Variants in TJP1 observed in about 807,000 individuals in gnomAD.
TJP1 encodes the protein tight junction protein 1.
Under a neutral mutation model 194.2 loss-of-function variants are expected in TJP1, and 43 were observed. The observed-to-expected ratio is 0.22, with a 90% CI of 0.17 to 0.29. The LOEUF is 0.29. Ranked by LOEUF, TJP1 falls within the 10% of genes least tolerant of loss-of-function variation. TJP1 has a pLI of 1.00. For missense variants in TJP1, 1,971 were observed against 2,185.7 expected (o/e 0.90, Z 1.96); for synonymous variants, 801 against 779.0 (o/e 1.03, Z -0.47).
intron 2 of TJP1, among the ~76,000 whole-genome samples, chr15:29,894,025 G>T (rs986491651): frequency 3.9e-5 from 6 of 152,170 alleles, no homozygotes; most frequent in African/African-American, 4.8e-5. Flanking sequence ...TACACAAAAG[G>T]TTGGGAAATT....
intron 2 of TJP1, among the ~76,000 whole-genome samples, chr15:29,948,971 C>G (rs1294611636): frequency 6.6e-6 from 1 of 150,708 alleles, no homozygotes; most frequent in Admixed American, 6.6e-5. Flanking sequence ...CCCTCCACCA[C>G]CTCTACCATC....
At position 29,918,480 on chromosome 15, in the gene TJP1, A is replaced by G. The variant is rs185097212; in HGVS notation, c.306+37752T>C. ...CCAGGAGCAGTGACTCACGCCTGTA[A>G]TCCGAGTACTGTGGGGGACCAAGGC... On this transcript the variant is annotated intron_variant, in intron 2 of 28. Transcript: ENST00000356107. Among the ~76,000 whole-genome samples, 193 of 152,308 alleles carry G rather than the reference A, an allele frequency of 1.3e-3. 1 individual carries two copies. Among genetic ancestry groups the G allele is most frequent in the African/African-American group, 4.4e-3 (183 of 41,572 alleles).
intron 2 of TJP1, among the ~76,000 whole-genome samples, chr15:29,905,412 CAAACTTA>C (rs1332708284): frequency 4.6e-5 from 7 of 152,250 alleles, no homozygotes; most frequent in African/African-American, 1.4e-4. Context: ...AACTATGGCG[CAAACTTA>C]CAACAAAGTA....
intron 23 of TJP1, among the ~76,000 whole-genome samples, chr15:29,712,058 C>T (rs1478105585): frequency 6.6e-6 from 1 of 152,160 alleles, no homozygotes; most frequent in Non-Finnish European, 1.5e-5. Flanking sequence ...ATATGTAACA[C>T]AAAATTCACA....
At chr15:29,872,783 A>G (rs1263286346) in intron 2 of TJP1, among the ~76,000 whole-genome samples, 1 of 152,108 alleles carries the variant, frequency 6.6e-6, no homozygotes, top group African/African-American at 2.4e-5. Flanking sequence ...CTCTTTGGAG[A>G]AGCCACCACA....
At chr15:29,928,220 A>AC (rs2054585897) in intron 2 of TJP1, among the ~76,000 whole-genome samples, 1 of 152,204 alleles carries the variant, frequency 6.6e-6, no homozygotes, top group Admixed American at 6.5e-5. Context: ...AAGATAAAAG[A>AC]TGAGATTGTT....
At chr15:29,740,192 G>T (rs1163174890) in intron 10 of TJP1, among the ~76,000 whole-genome samples, 2 of 151,902 alleles carry the variant, frequency 1.3e-5, no homozygotes, top group African/African-American at 2.4e-5. Context: ...AGCCAGGATG[G>T]TCTTGATCTC....
intron 2 of TJP1, among the ~76,000 whole-genome samples, chr15:29,865,384 G>T (rs1298625304): frequency 6.6e-6 from 1 of 152,078 alleles, no homozygotes; most frequent in African/African-American, 2.4e-5. Context: ...ATTTTACCCT[G>T]CCAGGCCCAC....
At chr15:29,722,546 T>A (rs1280551040) in intron 18 of TJP1, among the ~76,000 whole-genome samples, 4 of 152,190 alleles carry the variant, frequency 2.6e-5, no homozygotes, top group Non-Finnish European at 5.9e-5. Context: ...CAGGCAGAAG[T>A]CTGCTGCAGG....
At chr15:29,968,636 C>G in intron 1 of TJP1, 4 of 1,017,714 alleles carry the variant, frequency 3.9e-6, no homozygotes, top group Non-Finnish European at 4.7e-6. Flanking sequence ...CCTAGCCCGG[C>G]TGGGGCTCCG....
rs11353216 is a variant in TJP1, at chr15:29,909,338, CAAA to C, written c.306+46891_306+46893del. 5.2e-4 allele frequency among the ~76,000 whole-genome samples: 49 copies of C among 93,658 alleles called. No individual in the cohort carries two copies. The East Asian group carries it at 9.8e-3, about 19-fold the overall frequency. 61.4% of individuals were successfully genotyped at this position (93,658 alleles called of 152,430 possible). On this transcript the variant is annotated intron_variant, in intron 2 of 28. Coordinates refer to the TJP1 transcript ENST00000356107. ...GGGCGACAGAGCATGACTTCATCTCCAAAAAAAAAAAAAAAAAAAGAGGCTCAC... is the reference window on the plus strand; with the variant it reads ...GGGCGACAGAGCATGACTTCATCTCCAAAAAAAAAAAAAAAAGAGGCTCAC...
Position 29,720,505 on chromosome 15 carries a change from A to C in TJP1, c.2616T>G (p.Ser872=), listed in dbSNP as rs1335903857. The C allele has an allele frequency of 5.0e-6, 8 of 1,614,016 alleles. No individual in the cohort carries two copies. The highest frequency in any genetic ancestry group is 6.8e-6 in the Non-Finnish European group (8 of 1,180,030). ...LNDEVGTPPE[S]AITRSSEPVR... is the part of the protein sequence containing the mutation. ...CAGGCTCAGAGGACCGTGTAATGGC[A>C]GACTCCGGTGGAGTCCCAACCTCAT... The change falls in exon 19 of 28, where the codon TCT becomes TCG. Residue 872 remains serine, a synonymous_variant. Transcript: ENST00000614355.
At chr15:29,786,372 AC>A (rs1316761491) in intron 2 of TJP1, among the ~76,000 whole-genome samples, 1 of 152,138 alleles carries the variant, frequency 6.6e-6, no homozygotes, top group Non-Finnish European at 1.5e-5. Context: ...AATGTTCTAA[AC>A]AAACATTGGC....
chr15:29,811,306 G>A (rs188515217), intron 1 of TJP1, among the ~76,000 whole-genome samples: 2 of 151,990 alleles, frequency 1.3e-5, no homozygotes, highest in East Asian at 3.9e-4. Flanking sequence ...GGGGAGAGCG[G>A]AGAGAAACTA....
chr15:29,943,129 G>C (rs1187161910), intron 2 of TJP1, among the ~76,000 whole-genome samples: 1 of 152,208 alleles, frequency 6.6e-6, no homozygotes, highest in African/African-American at 2.4e-5. Context: ...AGTAACACTA[G>C]AAGATCGCCA....
intron 1 of TJP1, among the ~76,000 whole-genome samples, chr15:29,807,947 C>T (rs1196481587): frequency 1.3e-5 from 2 of 152,184 alleles, no homozygotes; most frequent in South Asian, 2.1e-4. Flanking sequence ...AACTGGTAAA[C>T]ATCACATCTG....
chr15:29,732,866 GA>G (rs1277881650), intron 13 of TJP1, 51 bp from the exon 14 acceptor site: 9 of 1,489,660 alleles, frequency 6.0e-6, no homozygotes, highest in Middle Eastern at 1.8e-4. Flanking sequence ...ATGCAAAATG[GA>G]AAAAGACCCA....
intron 1 of TJP1, among the ~76,000 whole-genome samples, chr15:29,808,741 T>C (rs1236973402): frequency 1.3e-5 from 2 of 152,310 alleles, no homozygotes; most frequent in Admixed American, 6.5e-5. Flanking sequence ...TTTCTTTTTT[T>C]AGAAGCACTC....
chr15:29,961,795 T>C (rs2056174766), intron 1 of TJP1, among the ~76,000 whole-genome samples: 1 of 152,092 alleles, frequency 6.6e-6, no homozygotes, highest in South Asian at 2.1e-4. Context: ...GCTCCCGAGG[T>C]AAGAGAGGAA....
Sources: allele counts gnomAD v4.1 joint callset (sites outside exome capture counted in the v4.1 genomes callset), GRCh38; gene constraint gnomAD v4.1.1; transcripts MANE v1.5; gene names NCBI Gene and HGNC (gene_info 2026-07-23, HGNC 2026-07-21).